BICRAL: variants seen among roughly 807,000 people sequenced by gnomAD.
BICRAL encodes BICRA like chromatin remodeling complex associated protein.
Under a neutral mutation model 91.8 loss-of-function variants are expected in BICRAL, and 8 were observed. That is an observed-to-expected ratio of 0.09 (90% CI 0.05 to 0.16). The LOEUF (loss-of-function observed/expected upper bound fraction) is 0.16. BICRAL is among the 10% of genes least tolerant of loss of function. BICRAL has a pLI of 1.00. For synonymous variants in BICRAL, 445 were observed against 491.1 expected (o/e 0.91, Z 1.24); for missense variants, 1,038 against 1,310.9 (o/e 0.79, Z 3.21).
intron 8 of BICRAL, among the ~76,000 whole-genome samples, chr6:42,854,155 T>C (rs1377339154): frequency 6.6e-6 from 1 of 152,190 alleles, no homozygotes; most frequent in South Asian, 2.1e-4. Flanking sequence ...AAGTAGGCCA[T>C]CCCTACGGTC....
At chr6:42,760,626 G>A (rs1319397012) in intron 1 of BICRAL, among the ~76,000 whole-genome samples, 3 of 151,688 alleles carry the variant, frequency 2.0e-5, no homozygotes, top group Non-Finnish European at 2.9e-5. Context: ...GGCTGGTCTC[G>A]AACTCCTGGG....
rs201020675 is a variant in BICRAL at position 42,785,160 on chromosome 6, G to GT, written c.-102+3068dup. 7.1e-3 allele frequency among the ~76,000 whole-genome samples: 1,076 copies of GT among 151,238 alleles called. 10 individuals are homozygous for GT. Among genetic ancestry groups the GT allele is most frequent in the African/African-American group, 0.024 (971 of 41,200 alleles). ...TCCTAAGACTTTAAAATCTCAGTAC[G>GT]TTTTTTTTTAAAGTATGTTGTCTCA... On this transcript the variant is annotated intron_variant, in intron 1 of 12. Coordinates refer to ENST00000314073, the MANE Select transcript of BICRAL (RefSeq NM_001393499.1).
intron 6 of BICRAL, among the ~76,000 whole-genome samples, chr6:42,847,989 T>C (rs1481698972): frequency 6.6e-6 from 1 of 151,584 alleles, no homozygotes; most frequent in African/African-American, 2.4e-5. Context: ...ATTAGCCCGG[T>C]ATGGTGGCGG....
chr6:42,748,049 C>G (rs941289257), intron 1 of BICRAL, among the ~76,000 whole-genome samples: 3 of 151,158 alleles, frequency 2.0e-5, no homozygotes. Context: ...GGTGATGCGC[C>G]CGCCTCGGCC....
chr6:42,802,432 TTGTTGTTG>T (rs1374278283), intron 1 of BICRAL, among the ~76,000 whole-genome samples: 834 of 73,402 alleles, frequency 0.011, 6 homozygotes, highest in African/African-American at 0.031. Flanking sequence ...TTTTTTTTTG[TTGTTGTTG>T]TTGTTGTTGT....
chr6:42,861,814 C>A (rs149393604), intron 11 of BICRAL, among the ~76,000 whole-genome samples: 3,590 of 149,286 alleles, frequency 0.024, 188 homozygotes, highest in Admixed American at 0.13. Context: ...GCCTGGCCAA[C>A]ATGGCAAAAC....
chr6:42,823,566 T>A (rs987469354), intron 5 of BICRAL, among the ~76,000 whole-genome samples: 3 of 152,078 alleles, frequency 2.0e-5, no homozygotes, highest in Non-Finnish European at 4.4e-5. Context: ...AGTGGGAGAA[T>A]CATTTGAGCT....
chr6:42,746,491 G>T (rs1762276458), upstream of BICRAL, among the ~76,000 whole-genome samples: 1 of 151,974 alleles, frequency 6.6e-6, no homozygotes. Flanking sequence ...CGCTACTAGG[G>T]GTGTGGGTGG....
intron 1 of BICRAL, among the ~76,000 whole-genome samples, chr6:42,805,688 A>G (rs1250568812): frequency 6.6e-6 from 1 of 152,038 alleles, no homozygotes; most frequent in African/African-American, 2.4e-5. Context: ...TAATGTAAAT[A>G]TGAGTCAGTG....
intron 1 of BICRAL, among the ~76,000 whole-genome samples, chr6:42,753,718 T>C (rs1762417168): frequency 6.6e-6 from 1 of 152,088 alleles, no homozygotes; most frequent in South Asian, 2.1e-4. Flanking sequence ...TTCAAGTGAT[T>C]CTCCTTCCTC....
chr6:42,814,325 CCT>C (rs1763916210), intron 2 of BICRAL, among the ~76,000 whole-genome samples: 1 of 140,954 alleles, frequency 7.1e-6, no homozygotes, highest in Non-Finnish European at 1.5e-5. Flanking sequence ...GTCTCAACCC[CCT>C]GAGTTCAAGC....
chr6:42,801,888 A>T (rs762919163), intron 1 of BICRAL, among the ~76,000 whole-genome samples: 20 of 64,696 alleles, frequency 3.1e-4, no homozygotes, highest in Non-Finnish European at 6.1e-4. Flanking sequence ...ATCTCAAAAA[A>T]AATAAATAAA....
chr6:42,788,639 A>G (rs1661234624), intron 1 of BICRAL, among the ~76,000 whole-genome samples: 1 of 152,180 alleles, frequency 6.6e-6, no homozygotes, highest in Admixed American at 6.6e-5. Flanking sequence ...GGTGAATTGG[A>G]GGTAGAATAT....
At chr6:42,747,302 C>G (rs2152016886) in intron 1 of BICRAL, among the ~76,000 whole-genome samples, 1 of 152,290 alleles carries the variant, frequency 6.6e-6, no homozygotes, top group South Asian at 2.1e-4. Context: ...TGCGGAGCTC[C>G]CGAACCTCTT....
rs138073714 is a variant in BICRAL, at chr6:42,763,909, T to TA, written c.-261+16902dup. On this transcript the variant is annotated intron_variant, in intron 1 of 14. Coordinates refer to the BICRAL transcript ENST00000614467. ...AGGTCATGAAATGCATTTAGTGCATTAAAAAAAAAAAAAAAAGACAAAAGA... is the reference window on the plus strand; with the variant it reads ...AGGTCATGAAATGCATTTAGTGCATTAAAAAAAAAAAAAAAAAGACAAAAGA... Among the ~76,000 whole-genome samples, 250 of 136,094 alleles carry TA rather than the reference T, an allele frequency of 1.8e-3. 1 individual carries two copies. The highest frequency in any genetic ancestry group is 5.6e-3 in the East Asian group (26 of 4,672). The allele number at this position is 136,094 out of a possible 152,430, so 89.3% of individuals were successfully genotyped here.
At chr6:42,809,614 A>T (rs1449099582) in intron 1 of BICRAL, among the ~76,000 whole-genome samples, 1 of 151,476 alleles carries the variant, frequency 6.6e-6, no homozygotes, top group East Asian at 1.9e-4. Context: ...AGCTGGGACC[A>T]CAGGCCCAAG....
chr6:42,853,800 G>A (rs943424153), intron 8 of BICRAL, 62 bp downstream of exon 8: 16 of 1,234,534 alleles, frequency 1.3e-5, no homozygotes, highest in South Asian at 3.7e-5. Flanking sequence ...AAATGTAGTC[G>A]TGCTATCTTT....
chr6:42,824,044 G>A (rs1049841668), intron 5 of BICRAL, among the ~76,000 whole-genome samples: 3 of 151,746 alleles, frequency 2.0e-5, no homozygotes, highest in Non-Finnish European at 4.4e-5. Flanking sequence ...GAGACCATCC[G>A]GGCCAACACG....
intron 6 of BICRAL, 29 bp downstream of exon 6, chr6:42,830,201 G>A: frequency 4.4e-6 from 7 of 1,603,716 alleles, no homozygotes; most frequent in Non-Finnish European, 6.0e-6. Flanking sequence ...TAAATATTTG[G>A]CTGATTATAG....
Sources: gnomAD v4.1 joint callset for allele counts (sites outside exome capture counted in the v4.1 genomes callset) on GRCh38, gnomAD v4.1.1 for gene constraint, MANE v1.5 for transcripts, NCBI Gene and HGNC (gene_info 2026-07-23, HGNC 2026-07-21) for gene names.